The following PPM1L variants were observed in gnomAD, a reference collection of about 807,000 sequenced individuals.
PPM1L encodes the protein protein phosphatase 1L.
Under a neutral mutation model 31.4 loss-of-function variants are expected in PPM1L, and 13 were observed. The observed-to-expected ratio is 0.41, with a 90% CI of 0.27 to 0.66. PPM1L has a LOEUF of 0.66. PPM1L is among the 30% of genes least tolerant of loss of function. The pLI is 0.29. For synonymous variants in PPM1L, 184 were observed against 175.4 expected (o/e 1.05, Z -0.39); for missense variants, 326 against 453.7 (o/e 0.72, Z 2.56).
intron 2 of PPM1L, among the ~76,000 whole-genome samples, chr3:160,992,393 G>A (rs1576767251): frequency 6.6e-6 from 1 of 152,132 alleles, no homozygotes; most frequent in African/African-American, 2.4e-5. Context: ...GACAAGTGTA[G>A]CTTCCACTCA....
intron 3 of PPM1L, among the ~76,000 whole-genome samples, chr3:161,067,567 G>A (rs968838943): frequency 6.6e-6 from 1 of 152,218 alleles, no homozygotes; most frequent in African/African-American, 2.4e-5. Context: ...TGTGCTGGCA[G>A]CAAAGCCTAG....
chr3:160,914,494 G>T (rs1289544349), intron 1 of PPM1L, among the ~76,000 whole-genome samples: 1 of 136,400 alleles, frequency 7.3e-6, no homozygotes, highest in Non-Finnish European at 1.5e-5. Flanking sequence ...CTGTGTCCAT[G>T]TATTCTCATT....
intron 1 of PPM1L, among the ~76,000 whole-genome samples, chr3:160,926,713 A>G (rs1559890174): frequency 6.6e-6 from 1 of 152,232 alleles, no homozygotes; most frequent in Non-Finnish European, 1.5e-5. Flanking sequence ...TGCTATGAAT[A>G]TGCTATGCCA....
intron 1 of PPM1L, among the ~76,000 whole-genome samples, chr3:160,880,871 T>G (rs1712688542): frequency 6.6e-6 from 1 of 152,180 alleles, no homozygotes; most frequent in Non-Finnish European, 1.5e-5. Flanking sequence ...TTTTTCCCAG[T>G]CTCTCACAGT....
chr3:161,001,524 G>A (rs756325201), intron 2 of PPM1L, among the ~76,000 whole-genome samples: 3 of 151,856 alleles, frequency 2.0e-5, no homozygotes, highest in African/African-American at 2.4e-5. Context: ...CAAGTAATTC[G>A]CCCCCCAAAG....
chr3:160,835,128 C>T (rs1206037926), intron 1 of PPM1L, among the ~76,000 whole-genome samples: 1 of 100,738 alleles, frequency 9.9e-6, no homozygotes, highest in Non-Finnish European at 2.1e-5. Flanking sequence ...TTTCTTCTTT[C>T]TTCCTTCTTC....
chr3:160,952,044 G>A (rs1715590721), intron 1 of PPM1L, among the ~76,000 whole-genome samples: 1 of 152,188 alleles, frequency 6.6e-6, no homozygotes, highest in African/African-American at 2.4e-5. Context: ...TATGAATTCA[G>A]GAGTGCAAGA....
intron 2 of PPM1L, among the ~76,000 whole-genome samples, chr3:161,004,799 A>G (rs1188209937): frequency 1.3e-5 from 2 of 151,372 alleles, no homozygotes; most frequent in Non-Finnish European, 2.9e-5. Flanking sequence ...CAGCTCCTGG[A>G]TTCATTAATT....
chr3:160,918,496 T>C (rs1714269655), intron 1 of PPM1L, among the ~76,000 whole-genome samples: 1 of 152,184 alleles, frequency 6.6e-6, no homozygotes, highest in African/African-American at 2.4e-5. Flanking sequence ...AAGGTGTCTT[T>C]AAGTTAGATG....
chr3:161,040,980 C>T (rs1240756404), intron 2 of PPM1L, among the ~76,000 whole-genome samples: 3 of 152,162 alleles, frequency 2.0e-5, no homozygotes, highest in East Asian at 1.9e-4. Context: ...CTGTTTCTTC[C>T]AGGCCTTTCC....
intron 1 of PPM1L, among the ~76,000 whole-genome samples, chr3:160,944,853 T>G (rs1559897142): frequency 1.2e-4 from 5 of 41,446 alleles, no homozygotes; most frequent in African/African-American, 2.8e-4. Context: ...ATATATAACA[T>G]ATATTATATA....
intron 1 of PPM1L, among the ~76,000 whole-genome samples, chr3:160,910,261 TC>T (rs1184073867): frequency 7.5e-5 from 4 of 53,440 alleles, no homozygotes; most frequent in African/African-American, 2.2e-4. Context: ...CCTTCCCCTT[TC>T]CCCTTCCCCT....
chr3:160,963,423 A>G lies in PPM1L; in HGVS notation c.574+1513A>G, dbSNP rs138493613. On this transcript the variant is annotated intron_variant, in intron 2 of 3. Coordinates refer to ENST00000498165, the MANE Select transcript of PPM1L (RefSeq NM_139245.4). The stretch of plus-strand genomic sequence containing the variant: ...AAAAGGAATCTGAGATGTAGAAAAT[A>G]GATCTTGCAGAAAGTCTTGCTGGAG... Among the ~76,000 whole-genome samples the G allele has an allele frequency of 4.3e-3, 652 of 152,220 alleles. 3 individuals carry two copies. Among genetic ancestry groups the G allele is most frequent in the African/African-American group, 0.015 (626 of 41,554 alleles).
intron 1 of PPM1L, among the ~76,000 whole-genome samples, chr3:160,936,617 T>A (rs2108083558): frequency 6.6e-6 from 1 of 152,346 alleles, no homozygotes; most frequent in South Asian, 2.1e-4. Flanking sequence ...TGTGTAATTA[T>A]GCCAGTTAGT....
chr3:160,803,663 GTTTA>G (rs1450425139), intron 1 of PPM1L, among the ~76,000 whole-genome samples: 2 of 152,110 alleles, frequency 1.3e-5, no homozygotes, highest in Non-Finnish European at 2.9e-5. Flanking sequence ...AGATGACTTT[GTTTA>G]TTTATTTTTT....
At chr3:160,804,100 T>C (rs1012746790) in intron 1 of PPM1L, among the ~76,000 whole-genome samples, 7 of 151,422 alleles carry the variant, frequency 4.6e-5, no homozygotes, top group Non-Finnish European at 1.0e-4. Flanking sequence ...TTTCTTTTTT[T>C]TTTTTCTATT....
At position 160,835,854 on chromosome 3, in the gene PPM1L, T is replaced by C. The variant is rs146399789; in HGVS notation, c.399+79147T>C. ...AAACATTTTTTAGAGACAAATCTTT[T>C]CTCCCAAATATTCATTTAGTTTGGA... On this transcript the variant is annotated intron_variant, in intron 1 of 3. Coordinates refer to ENST00000498165, the MANE Select transcript of PPM1L (RefSeq NM_139245.4). Among the ~76,000 whole-genome samples the C allele has an allele frequency of 2.0e-5, 3 of 152,262 alleles. No individual in the cohort carries two copies. In the East Asian group the frequency reaches 5.8e-4, roughly 29 times the overall value.
At chr3:160,937,614 C>T (rs956854545) in intron 1 of PPM1L, among the ~76,000 whole-genome samples, 13 of 150,912 alleles carry the variant, frequency 8.6e-5, no homozygotes, top group East Asian at 1.9e-4. Context: ...AGCAAGTCTC[C>T]GTCTCAAAAA....
chr3:160,800,889 TAA>T (rs1450058488), intron 1 of PPM1L, among the ~76,000 whole-genome samples: 7 of 152,296 alleles, frequency 4.6e-5, no homozygotes, highest in Admixed American at 4.6e-4. Flanking sequence ...AGGCAACATT[TAA>T]ACACCCTTGG....
Sources: gnomAD v4.1 joint callset for allele counts (sites outside exome capture counted in the v4.1 genomes callset) on GRCh38, gnomAD v4.1.1 for gene constraint, MANE v1.5 for transcripts, NCBI Gene and HGNC (gene_info 2026-07-23, HGNC 2026-07-21) for gene names.